Variants in CNTN5 observed in about 807,000 individuals in gnomAD.
CNTN5 encodes contactin-5.
Under a neutral mutation model 129.1 loss-of-function variants are expected in CNTN5, and 77 were observed. That is an observed-to-expected ratio of 0.60 (90% CI 0.50 to 0.72). The LOEUF (loss-of-function observed/expected upper bound fraction) is 0.72. Ranked by LOEUF, CNTN5 falls within the 30% of genes least tolerant of loss-of-function variation. The pLI, the probability that CNTN5 is intolerant of heterozygous loss-of-function variation, is 0.00. For missense variants in CNTN5, 1,478 were observed against 1,328.8 expected (o/e 1.11, Z -1.75); for synonymous variants, 509 against 465.6 (o/e 1.09, Z -1.20).
intron 2 of CNTN5, among the ~76,000 whole-genome samples, chr11:99,331,930 A>G (rs1207317214): frequency 6.6e-6 from 1 of 152,124 alleles, no homozygotes; most frequent in Non-Finnish European, 1.5e-5. Flanking sequence ...TTCACCATCA[A>G]GAGAATAATG....
chr11:99,953,175 G>T (rs1379085967), intron 7 of CNTN5, among the ~76,000 whole-genome samples: 2 of 151,984 alleles, frequency 1.3e-5, no homozygotes, highest in African/African-American at 4.8e-5. Flanking sequence ...TTTGTTAATG[G>T]CACTGCAGTT....
intron 20 of CNTN5, among the ~76,000 whole-genome samples, chr11:100,305,619 G>T (rs1951330394): frequency 6.6e-6 from 1 of 151,606 alleles, no homozygotes; most frequent in Non-Finnish European, 1.5e-5. Context: ...CCATCATTCA[G>T]TTACAATGGG....
intron 17 of CNTN5, among the ~76,000 whole-genome samples, chr11:100,260,288 C>G (rs1397822888): frequency 6.6e-6 from 1 of 151,996 alleles, no homozygotes; most frequent in Non-Finnish European, 1.5e-5. Flanking sequence ...AGTTCTGAAA[C>G]TGAGGAAGTA....
In CNTN5 at chr11:99,204,045, C is replaced by T. The variant is rs181799406; in HGVS notation, c.-209-121301C>T. On this transcript the variant is annotated intron_variant, in intron 1 of 24. Coordinates refer to ENST00000524871, the MANE Select transcript of CNTN5 (RefSeq NM_014361.4). ...ATAAATTTGCTTCTGTAGTACTCTT[C>T]TATATAGACATTTTTAATTTTAAAA... 2.0e-4 allele frequency among the ~76,000 whole-genome samples: 30 copies of T among 152,286 alleles called. No individual in the cohort carries two copies. The East Asian group carries it at 5.0e-3, about 25-fold the overall frequency.
At chr11:100,170,023 T>C (rs1947775725) in intron 13 of CNTN5, among the ~76,000 whole-genome samples, 2 of 151,902 alleles carry the variant, frequency 1.3e-5, no homozygotes, top group Admixed American at 1.3e-4. Flanking sequence ...TGAAAATACT[T>C]CCCCCAACTT....
chr11:99,730,963 G>T lies in CNTN5; in HGVS notation c.56-88581G>T, dbSNP rs1436229425. Among the ~76,000 whole-genome samples, 6 of 152,144 alleles carry T rather than the reference G, an allele frequency of 3.9e-5. No homozygotes were observed. In the South Asian group the frequency reaches 8.3e-4, roughly 21 times the overall value. On this transcript the variant is annotated intron_variant, in intron 3 of 24. Coordinates refer to ENST00000524871, the MANE Select transcript of CNTN5 (RefSeq NM_014361.4). ...TCCTCCTTTTCCCCACCATTTCCCAGCCTCTGGTAACTATAGTTGTACTCT... is the reference window on the plus strand; with the variant it reads ...TCCTCCTTTTCCCCACCATTTCCCATCCTCTGGTAACTATAGTTGTACTCT...
chr11:99,787,086 A>T (rs953288119), intron 3 of CNTN5, among the ~76,000 whole-genome samples: 1 of 49,164 alleles, frequency 2.0e-5, no homozygotes, highest in Non-Finnish European at 4.0e-5. Flanking sequence ...TTCTGAAACT[A>T]CATGTTTTTT....
At chr11:99,162,122 C>T (rs191487158) in intron 1 of CNTN5, among the ~76,000 whole-genome samples, 2 of 152,138 alleles carry the variant, frequency 1.3e-5, no homozygotes, top group East Asian at 3.9e-4. Flanking sequence ...AAATGTATGT[C>T]TGCCCTGGGA....
chr11:99,999,826 C>A (rs1252839047), intron 8 of CNTN5, among the ~76,000 whole-genome samples: 1 of 151,978 alleles, frequency 6.6e-6, no homozygotes, highest in Admixed American at 6.6e-5. Flanking sequence ...ACTACGCAGC[C>A]ATAAAAAATG....
At chr11:99,374,635 G>T (rs1360269464) in intron 2 of CNTN5, among the ~76,000 whole-genome samples, 1 of 152,244 alleles carries the variant, frequency 6.6e-6, no homozygotes, top group African/African-American at 2.4e-5. Context: ...AGCGAGTCCA[G>T]ATCGCGTCAC....
At chr11:99,176,562 A>G (rs1320567277) in intron 1 of CNTN5, among the ~76,000 whole-genome samples, 1 of 152,172 alleles carries the variant, frequency 6.6e-6, no homozygotes, top group African/African-American at 2.4e-5. Context: ...GCAACTCCAC[A>G]TGTCCAGTTG....
intron 7 of CNTN5, among the ~76,000 whole-genome samples, chr11:99,942,180 A>G (rs1421951118): frequency 6.6e-6 from 1 of 152,002 alleles, no homozygotes; most frequent in Non-Finnish European, 1.5e-5. Context: ...TTTATTTTTC[A>G]CCTGTATGCC....
chr11:99,794,021 T>G (rs1324646900), intron 3 of CNTN5, among the ~76,000 whole-genome samples: 2 of 152,202 alleles, frequency 1.3e-5, no homozygotes, highest in East Asian at 3.9e-4. Flanking sequence ...TGTGTTGTAG[T>G]CTTCCATTAT....
chr11:100,274,912 G>A (rs1180553646), intron 18 of CNTN5, among the ~76,000 whole-genome samples: 1 of 152,122 alleles, frequency 6.6e-6, no homozygotes, highest in African/African-American at 2.4e-5. Flanking sequence ...TAATACCTGG[G>A]TGATGAAATA....
At chr11:99,792,310 A>G (rs1164489073) in intron 3 of CNTN5, among the ~76,000 whole-genome samples, 1 of 152,016 alleles carries the variant, frequency 6.6e-6, no homozygotes, top group Non-Finnish European at 1.5e-5. Flanking sequence ...ATAGGAAGGG[A>G]TGTTGAAATT....
intron 2 of CNTN5, among the ~76,000 whole-genome samples, chr11:99,377,269 A>C (rs1396471956): frequency 6.6e-6 from 1 of 151,996 alleles, no homozygotes. Context: ...TAGTATCTTT[A>C]TATTTTTCTT....
intron 3 of CNTN5, among the ~76,000 whole-genome samples, chr11:99,617,250 T>A (rs879743583): frequency 6.6e-6 from 1 of 152,212 alleles, no homozygotes; most frequent in Non-Finnish European, 1.5e-5. Flanking sequence ...GCATGATCAG[T>A]TCAGATCTGC....
chr11:100,343,445 C>T (rs1319866660), intron 23 of CNTN5, among the ~76,000 whole-genome samples: 1 of 151,998 alleles, frequency 6.6e-6, no homozygotes, highest in African/African-American at 2.4e-5. Flanking sequence ...ACTGAGAGAA[C>T]TGCTGACAGG....
intron 17 of CNTN5, among the ~76,000 whole-genome samples, chr11:100,266,167 A>T (rs144274408): frequency 6.6e-6 from 1 of 152,150 alleles, no homozygotes; most frequent in Non-Finnish European, 1.5e-5. Flanking sequence ...CTGAGGTGGG[A>T]GGATCACTTA....
Sources: allele counts gnomAD v4.1 joint callset (sites outside exome capture counted in the v4.1 genomes callset), GRCh38; gene constraint gnomAD v4.1.1; transcripts MANE v1.5; gene names NCBI Gene and HGNC (gene_info 2026-07-23, HGNC 2026-07-21).